IQCH: variants seen among roughly 807,000 people sequenced by gnomAD.
IQCH encodes IQ motif containing H.
In IQCH, 98 loss-of-function variants were observed where a neutral mutation model predicts 117.0. The observed-to-expected ratio is 0.84, with a 90% CI of 0.71 to 0.99. The LOEUF (loss-of-function observed/expected upper bound fraction) is 0.99, where lower values mean the gene tolerates loss of function less well. IQCH is among the 50% of genes least tolerant of loss of function. The pLI, the probability that IQCH is intolerant of heterozygous loss-of-function variation, is 0.00. For missense variants in IQCH, 1,102 were observed against 1,243.8 expected, an observed-to-expected ratio of 0.89 and a Z score of 1.72; for synonymous variants, 412 against 448.2, an observed-to-expected ratio of 0.92 and a Z score of 1.02.
chr15:67,281,073 C>T (rs971903614), intron 4 of IQCH, among the ~76,000 whole-genome samples: 3 of 151,990 alleles, frequency 2.0e-5, no homozygotes, highest in Admixed American at 6.6e-5. Context: ...CTTGAACTCC[C>T]GACCTCTTGA....
intron 18 of IQCH, among the ~76,000 whole-genome samples, chr15:67,483,554 GGTGA>G (rs2083394745): frequency 6.6e-6 from 1 of 152,154 alleles, no homozygotes; most frequent in Non-Finnish European, 1.5e-5. Flanking sequence ...AAGCATCTAA[GGTGA>G]GTGTCATATT....
At chr15:67,355,839 CAG>C (rs1969870790) in intron 6 of IQCH, among the ~76,000 whole-genome samples, 1 of 152,190 alleles carries the variant, frequency 6.6e-6, no homozygotes, top group Non-Finnish European at 1.5e-5. Flanking sequence ...AGCATTTCTG[CAG>C]ACAGCTAAGA....
At position 67,403,029 on chromosome 15, in the gene IQCH, C is replaced by T. The variant is rs1385693849; in HGVS notation, c.2097+2724C>T. Among the ~76,000 whole-genome samples, 1 of 152,154 alleles carries T rather than the reference C, an allele frequency of 6.6e-6. No homozygotes were observed. The highest frequency in any genetic ancestry group is 2.4e-5 in the African/African-American group (1 of 41,446). ...CTGGGAGGCCAAGGCGGGTGAATCA[C>T]CTGAGGTCAGGAGTTCCAGGCCAGC... On this transcript the variant is annotated intron_variant, in intron 14 of 20. Coordinates refer to ENST00000335894, the MANE Select transcript of IQCH (RefSeq NM_001031715.3). The surrounding 1 kb of genome is among the most constrained non-coding windows in gnomAD (Gnocchi z 4.8).
rs964003342 is a variant in IQCH at position 67,393,599 on chromosome 15, C to A, written c.1633-1692C>A. On this transcript the variant is annotated intron_variant, in intron 12 of 20. Coordinates refer to ENST00000335894, the MANE Select transcript of IQCH (RefSeq NM_001031715.3). This position sits in a 1 kb window ranked among gnomAD's most constrained non-coding sequence, Gnocchi z 5.5. ...GCAGTGGCATGATCTCGGTTCACTGCAGCCTTGACCTCCCTGGCTCAAGCA... is the reference window on the plus strand; with the variant it reads ...GCAGTGGCATGATCTCGGTTCACTGAAGCCTTGACCTCCCTGGCTCAAGCA... 2.0e-5 allele frequency among the ~76,000 whole-genome samples: 3 copies of A among 152,120 alleles called. No homozygotes were observed. The highest frequency in any genetic ancestry group is 7.2e-5 in the African/African-American group (3 of 41,428).
At position 67,427,255 on chromosome 15, in the gene IQCH, CTCTA is replaced by C. The variant is rs1337228000; in HGVS notation, c.2505+5682_2505+5685del. 1.3e-5 allele frequency among the ~76,000 whole-genome samples: 2 copies of C among 152,218 alleles called. No homozygotes were observed. The highest frequency in any genetic ancestry group is 4.8e-5 in the African/African-American group (2 of 41,470). On this transcript the variant is annotated intron_variant, in intron 16 of 20. Coordinates refer to ENST00000335894, the MANE Select transcript of IQCH (RefSeq NM_001031715.3). The surrounding 1 kb of genome is among the most constrained non-coding windows in gnomAD (Gnocchi z 4.7). The stretch of plus-strand genomic sequence containing the variant: ...CCACTCCTGCCATCTTCTTTGCCTA[CTCTA>C]TCTGTGCCCTACCCCTCCATGCCTC...
intron 14 of IQCH, among the ~76,000 whole-genome samples, chr15:67,415,029 G>A (rs1253534477): frequency 6.6e-6 from 1 of 152,150 alleles, no homozygotes; most frequent in African/African-American, 2.4e-5. Flanking sequence ...ATCAGAGACA[G>A]TTGGTCTTCC....
chr15:67,377,850 A>G (rs780709133), intron 10 of IQCH, among the ~76,000 whole-genome samples: 1 of 152,140 alleles, frequency 6.6e-6, no homozygotes, highest in Admixed American at 6.5e-5. Flanking sequence ...AAAAGAATGT[A>G]TATAGTTCAG....
rs1410788295 is a variant in IQCH at position 67,408,217 on chromosome 15, T to A, written c.2097+7912T>A. On this transcript the variant is annotated intron_variant, in intron 14 of 20. Coordinates refer to ENST00000335894, the MANE Select transcript of IQCH (RefSeq NM_001031715.3). This position sits in a 1 kb window ranked among gnomAD's most constrained non-coding sequence, Gnocchi z 4.2. ...TGTTCTCACATCCAGGAAGTCCCTG[T>A]TGGAGGTCTTTTGGAAAGGTCCGCT... 1 of 152,222 alleles carries A rather than the reference T, an allele frequency of 6.6e-6. No homozygotes were observed. The highest frequency in any genetic ancestry group is 2.4e-5 in the African/African-American group (1 of 41,436). 9.4% of individuals were successfully genotyped at this position (152,222 alleles called of 1,614,324 possible). A position where few individuals can be genotyped will look rare whatever the true frequency, so the allele number is the denominator to read the frequency against.
At chr15:67,331,954 G>A (rs58036323) in intron 4 of IQCH, among the ~76,000 whole-genome samples, 67,483 of 151,918 alleles carry the variant, frequency 0.44, 15,526 homozygotes, top group Non-Finnish European at 0.52. Flanking sequence ...TTAGCCACAG[G>A]GGATGCTGGG....
At position 67,434,370 on chromosome 15, in the gene IQCH, T is replaced by C. The variant is rs571208210; in HGVS notation, c.2505+12793T>C. The stretch of plus-strand genomic sequence containing the variant: ...GTCTGGCTTATTTCACTTAGCATAT[T>C]ATCCTCCAGGTTCATTCATATTGTC... On this transcript the variant is annotated intron_variant, in intron 16 of 20. Coordinates refer to ENST00000335894, the MANE Select transcript of IQCH (RefSeq NM_001031715.3). Among the ~76,000 whole-genome samples, 5 of 152,322 alleles carry C rather than the reference T, an allele frequency of 3.3e-5. No individual in the cohort carries two copies. In the South Asian group the frequency reaches 1.0e-3, roughly 32 times the overall value.
At position 67,402,487 on chromosome 15, in the gene IQCH, C is replaced by G. The variant is rs117447388; in HGVS notation, c.2097+2182C>G. 3.3e-5 allele frequency among the ~76,000 whole-genome samples: 5 copies of G among 152,252 alleles called. No homozygotes were observed. In the East Asian group the frequency reaches 9.6e-4, roughly 29 times the overall value. On this transcript the variant is annotated intron_variant, in intron 14 of 20. Transcript: ENST00000335894. ...ATTCTCCTTTGTTCCAGAAGACCAT[C>G]GTAATGGTGCACATTTAGACATCAA...
intron 4 of IQCH, chr15:67,306,765 ATT>A (rs1967318678): frequency 8.6e-7 from 1 of 1,163,986 alleles, no homozygotes; most frequent in Non-Finnish European, 1.2e-6. Context: ...CTCACTGGTG[ATT>A]TTTTCAATAT....
chr15:67,438,670 A>G (rs561534064), intron 16 of IQCH, among the ~76,000 whole-genome samples: 1 of 152,234 alleles, frequency 6.6e-6, no homozygotes, highest in Non-Finnish European at 1.5e-5. Context: ...CAGGAGACTC[A>G]TCTAACACAT....
intron 10 of IQCH, among the ~76,000 whole-genome samples, chr15:67,382,545 G>A (rs975840029): frequency 2.6e-5 from 4 of 152,198 alleles, no homozygotes; most frequent in African/African-American, 9.7e-5. Flanking sequence ...ATAAAAGTGA[G>A]AAAAGAGGCC....
rs2082032504 is a variant in IQCH at position 67,432,074 on chromosome 15, T to A, written c.2505+10497T>A. On this transcript the variant is annotated intron_variant, in intron 16 of 20. Coordinates refer to ENST00000335894, the MANE Select transcript of IQCH (RefSeq NM_001031715.3). This position sits in a 1 kb window ranked among gnomAD's most constrained non-coding sequence, Gnocchi z 5.0. Reference sequence around the variant, plus strand: ...TAAATAAATTAACTCTTATTTTAGATAATTGTGAACTTTGAAACAACAATC... The same window carrying A: ...TAAATAAATTAACTCTTATTTTAGAAAATTGTGAACTTTGAAACAACAATC... Among the ~76,000 whole-genome samples the A allele has an allele frequency of 6.6e-6, 1 of 152,206 alleles. No individual in the cohort carries two copies. Among genetic ancestry groups the A allele is most frequent in the African/African-American group, 2.4e-5 (1 of 41,454 alleles).
chr15:67,449,187 T>G (rs1421240520), intron 16 of IQCH, among the ~76,000 whole-genome samples: 1 of 152,162 alleles, frequency 6.6e-6, no homozygotes, highest in African/African-American at 2.4e-5. Flanking sequence ...CTGTTCACTC[T>G]GATGGTAGTT....
At chr15:67,399,013 G>C (rs1971556149) in intron 13 of IQCH, among the ~76,000 whole-genome samples, 1 of 152,116 alleles carries the variant, frequency 6.6e-6, no homozygotes, top group African/African-American at 2.4e-5. Flanking sequence ...ACTTTTATCT[G>C]ATTCAAACTC....
At chr15:67,337,405 T>TGAGCA in intron 5 of IQCH, among the ~76,000 whole-genome samples, 1 of 152,232 alleles carries the variant, frequency 6.6e-6, no homozygotes, top group East Asian at 1.9e-4. Flanking sequence ...ATTAAGTTTC[T>TGAGCA]GAGCAGATCA....
rs2082733149 is a variant in IQCH at position 67,459,310 on chromosome 15, A to G, written c.2506-5817A>G. On this transcript the variant is annotated intron_variant, in intron 16 of 20. Coordinates refer to ENST00000335894, the MANE Select transcript of IQCH (RefSeq NM_001031715.3). The surrounding 1 kb of genome is among the most constrained non-coding windows in gnomAD (Gnocchi z 4.2). The stretch of plus-strand genomic sequence containing the variant: ...CTTCAGTGAGTGTTATTTGATCTAT[A>G]AATTAGTCTCTGAGTCCCATACGTG... Among the ~76,000 whole-genome samples the G allele has an allele frequency of 6.6e-6, 1 of 152,194 alleles. No individual in the cohort carries two copies. The highest frequency in any genetic ancestry group is 2.1e-4 in the South Asian group (1 of 4,828).
Sources: allele counts gnomAD v4.1 joint callset (sites outside exome capture counted in the v4.1 genomes callset), GRCh38; gene constraint gnomAD v4.1.1; non-coding constraint Gnocchi (gnomAD v3.1); transcripts MANE v1.5; gene names NCBI Gene and HGNC (gene_info 2026-07-23, HGNC 2026-07-21).